Variants in CFAP58 observed in about 807,000 individuals in gnomAD.
CFAP58 encodes the protein cilia and flagella associated protein 58.
In CFAP58, 88 loss-of-function variants were observed where a neutral mutation model predicts 119.5. The observed-to-expected ratio is 0.74, with a 90% CI of 0.62 to 0.88. The LOEUF is 0.88. Among genes scored for constraint, CFAP58 ranks in the 40% least tolerant of loss-of-function variants. The probability of loss-of-function intolerance (pLI) is 0.00; values close to 1 mark genes in which losing one functional copy is unlikely to be tolerated. For missense variants in CFAP58, 990 were observed against 1,021.2 expected (o/e 0.97, Z 0.42); for synonymous variants, 365 against 366.3 (o/e 1.00, Z 0.04).
At chr10:104,450,824 G>A (rs115660363) in intron 17 of CFAP58, among the ~76,000 whole-genome samples, 2,180 of 151,818 alleles carry the variant, frequency 0.014, 20 homozygotes, top group African/African-American at 0.033. Flanking sequence ...AGATTACAGG[G>A]TGAGCCATGG....
chr10:104,372,379 A>AG (rs552409363), intron 7 of CFAP58, among the ~76,000 whole-genome samples: 32 of 152,054 alleles, frequency 2.1e-4, no homozygotes, highest in Non-Finnish European at 2.2e-4. Flanking sequence ...AAAGAGAGAG[A>AG]AAAAAAAGAA....
chr10:104,363,952 G>T lies in CFAP58; in HGVS notation c.441-781G>T, dbSNP rs185797592. 2.4e-4 allele frequency among the ~76,000 whole-genome samples: 36 copies of T among 152,280 alleles called. 1 individual carries two copies. The highest frequency in any genetic ancestry group is 1.9e-3 in the Admixed American group (29 of 15,290). ...CTTCCAATTGCAAAGTGCTAATTCT[G>T]CAGGAAGTCATGCCAAATCATATGG... On this transcript the variant is annotated intron_variant, in intron 3 of 17. Coordinates refer to ENST00000369704, the MANE Select transcript of CFAP58 (RefSeq NM_001008723.2).
intron 15 of CFAP58, among the ~76,000 whole-genome samples, chr10:104,414,862 C>T (rs117735606): frequency 0.014 from 2,188 of 152,112 alleles, 20 homozygotes; most frequent in Middle Eastern, 0.027. Context: ...TTGGTAGAGA[C>T]GGGGTTTCAC....
intron 15 of CFAP58, among the ~76,000 whole-genome samples, chr10:104,447,177 T>C (rs2013122904): frequency 2.2e-5 from 3 of 138,082 alleles, no homozygotes; most frequent in Admixed American, 7.1e-5. Context: ...TTTCTTTTTT[T>C]CCTCTCTCTT....
chr10:104,447,785 C>T lies in CFAP58; in HGVS notation c.2344C>T (p.Arg782Cys), dbSNP rs778467429. 31 of 1,613,892 alleles carry T rather than the reference C, an allele frequency of 1.9e-5. No individual in the cohort carries two copies. Among genetic ancestry groups the T allele is most frequent in the African/African-American group, 4.0e-5 (3 of 74,944 alleles). Reference sequence around the variant, plus strand: ...TGCGGAACAGCTGAAGCTGTACCGACGCACGCTGCATGACAAGAAGCAGCA... The same window carrying T: ...TGCGGAACAGCTGAAGCTGTACCGATGCACGCTGCATGACAAGAAGCAGCA... The part of the protein sequence containing the change: ...EAAEQLKLYR[R>C]TLHDKKQQLK... The change falls in exon 16 of 18, where the codon CGC becomes TGC. Residue 782 changes from arginine to cysteine, a missense_variant. Arg to Cys is a radical substitution (Grantham distance 180, BLOSUM62 -3). Coordinates refer to ENST00000369704, the MANE Select transcript of CFAP58 (RefSeq NM_001008723.2).
At chr10:104,359,088 C>T (rs2014634312) in intron 2 of CFAP58, among the ~76,000 whole-genome samples, 1 of 152,106 alleles carries the variant, frequency 6.6e-6, no homozygotes, top group Non-Finnish European at 1.5e-5. Context: ...CTGAATCCTC[C>T]CAGTTCCTCA....
intron 14 of CFAP58, among the ~76,000 whole-genome samples, chr10:104,405,273 T>C (rs951139622): frequency 3.3e-5 from 5 of 152,242 alleles, no homozygotes; most frequent in African/African-American, 9.6e-5. Context: ...TTTTCTCTTT[T>C]GGACCCTCAT....
chr10:104,382,587 C>T (rs1387696817), intron 9 of CFAP58, among the ~76,000 whole-genome samples: 2 of 152,204 alleles, frequency 1.3e-5, no homozygotes, highest in South Asian at 2.1e-4. Flanking sequence ...TATGTCTCCA[C>T]CCACATCTCA....
intron 9 of CFAP58, among the ~76,000 whole-genome samples, chr10:104,390,952 C>G (rs1319468364): frequency 2.6e-5 from 4 of 152,104 alleles, no homozygotes; most frequent in Admixed American, 2.6e-4. Flanking sequence ...TCCCATCCCT[C>G]CTTAAGCACC....
rs114003266 is a variant in CFAP58, at chr10:104,420,409, C to T, written c.2256+13616C>T. On this transcript the variant is annotated intron_variant, in intron 15 of 17. Coordinates refer to ENST00000369704, the MANE Select transcript of CFAP58 (RefSeq NM_001008723.2). ...TACCTTAAACTGTAAGTACCTTAAA[C>T]ACTTGTAATTTCAGCCAACCTGAGG... Among the ~76,000 whole-genome samples, 820 of 152,322 alleles carry T rather than the reference C, an allele frequency of 5.4e-3. 7 individuals are homozygous for T. Among genetic ancestry groups the T allele is most frequent in the African/African-American group, 0.019 (786 of 41,562 alleles).
intron 1 of CFAP58, among the ~76,000 whole-genome samples, chr10:104,357,890 A>ATGTACACATATACAC (rs1564875816): frequency 1.5e-5 from 2 of 132,452 alleles, no homozygotes; most frequent in African/African-American, 6.6e-5. Flanking sequence ...CACATATATA[A>ATGTACACATATACAC]ACATATATGT....
chr10:104,448,631 C>T (rs1318937799), intron 16 of CFAP58, among the ~76,000 whole-genome samples: 2 of 152,152 alleles, frequency 1.3e-5, no homozygotes, highest in African/African-American at 4.8e-5. Flanking sequence ...ATATGCCACC[C>T]TACTAGTATA....
At chr10:104,393,524 T>A in intron 11 of CFAP58, 49 bp downstream of exon 11, 1 of 1,552,166 alleles carries the variant, frequency 6.4e-7, no homozygotes. Context: ...ATCAGCCCGC[T>A]CAGGCGGCCT....
chr10:104,359,382 G>GA (rs2014637296), intron 2 of CFAP58, among the ~76,000 whole-genome samples: 1 of 152,144 alleles, frequency 6.6e-6, no homozygotes, highest in South Asian at 2.1e-4. Flanking sequence ...AATTCTCTTA[G>GA]AAACTACTCA....
intron 15 of CFAP58, among the ~76,000 whole-genome samples, chr10:104,409,032 C>T (rs1049145931): frequency 1.3e-5 from 2 of 151,936 alleles, no homozygotes; most frequent in Admixed American, 6.6e-5. Flanking sequence ...CCCATGAATT[C>T]GAGGCTGTGG....
intron 6 of CFAP58, 39 bp downstream of exon 6, chr10:104,368,599 T>C (rs775611107): frequency 6.2e-7 from 1 of 1,609,752 alleles, no homozygotes; most frequent in South Asian, 1.1e-5. Flanking sequence ...TAGCTCTTTC[T>C]TCCTAACACA....
intron 15 of CFAP58, among the ~76,000 whole-genome samples, chr10:104,442,281 G>T (rs1237993990): frequency 3.3e-5 from 5 of 152,064 alleles, no homozygotes; most frequent in Non-Finnish European, 7.4e-5. Context: ...ATTTAGTTGA[G>T]GAATGTAGTT....
chr10:104,374,641 A>T (rs2014866678), intron 7 of CFAP58, among the ~76,000 whole-genome samples: 1 of 151,986 alleles, frequency 6.6e-6, no homozygotes, highest in Non-Finnish European at 1.5e-5. Context: ...ATTGGTTTTT[A>T]AACATCTATC....
At chr10:104,376,399 A>G (rs1023867578) in intron 7 of CFAP58, among the ~76,000 whole-genome samples, 1 of 149,372 alleles carries the variant, frequency 6.7e-6, no homozygotes, top group Non-Finnish European at 1.5e-5. Context: ...CAGCTGCTCG[A>G]GAGGTTGAGG....
Sources: gnomAD v4.1 joint callset for allele counts (sites outside exome capture counted in the v4.1 genomes callset) on GRCh38, gnomAD v4.1.1 for gene constraint, MANE v1.5 for transcripts, NCBI Gene and HGNC (gene_info 2026-07-23, HGNC 2026-07-21) for gene names.